ZC3H12D: variants seen among roughly 807,000 people sequenced by gnomAD.
The protein encoded by ZC3H12D is probable ribonuclease ZC3H12D.
ZC3H12D carries 11 observed loss-of-function variants against 24.2 expected under a neutral mutation model. The observed-to-expected ratio is 0.46, with a 90% confidence interval of 0.29 to 0.75. The LOEUF (loss-of-function observed/expected upper bound fraction) is 0.75. Among genes scored for constraint, ZC3H12D ranks in the 30% least tolerant of loss-of-function variants. The pLI, the probability that ZC3H12D is intolerant of heterozygous loss-of-function variation, is 0.11. For missense variants in ZC3H12D, 740 were observed against 767.7 expected, an observed-to-expected ratio of 0.96 and a Z score of 0.43; for synonymous variants, 333 against 341.8, an observed-to-expected ratio of 0.97 and a Z score of 0.28.
chr6:149,475,078 T>C (rs1776314870), intron 1 of ZC3H12D, among the ~76,000 whole-genome samples: 1 of 152,074 alleles, frequency 6.6e-6, no homozygotes, highest in Non-Finnish European at 1.5e-5. Context: ...AGAGGAAATT[T>C]GAACACATAA....
chr6:149,469,212 C>T (rs1168033952), intron 2 of ZC3H12D, among the ~76,000 whole-genome samples: 3 of 152,188 alleles, frequency 2.0e-5, no homozygotes, highest in East Asian at 3.8e-4. Context: ...AATCCCAGCA[C>T]TTTGGGAGGC....
At chr6:149,476,071 C>T (rs905391492) in intron 1 of ZC3H12D, among the ~76,000 whole-genome samples, 1 of 152,212 alleles carries the variant, frequency 6.6e-6, no homozygotes, top group African/African-American at 2.4e-5. Flanking sequence ...TTTTTCCGCA[C>T]CCCTCTAGTG....
At chr6:149,459,387 G>A (rs1776037320) in intron 3 of ZC3H12D, 1 of 559,118 alleles carries the variant, frequency 1.8e-6, no homozygotes, top group East Asian at 3.0e-5. Context: ...CTATAATCAT[G>A]TTAAAAGTAG....
chr6:149,463,692 T>C (rs1776111207), intron 2 of ZC3H12D, among the ~76,000 whole-genome samples: 1 of 152,104 alleles, frequency 6.6e-6, no homozygotes, highest in African/African-American at 2.4e-5. Flanking sequence ...TTGGGCGACA[T>C]AGCAAAAATT....
At chr6:149,460,118 A>G (rs115824719) in intron 3 of ZC3H12D, among the ~76,000 whole-genome samples, 1 of 152,332 alleles carries the variant, frequency 6.6e-6, no homozygotes, top group African/African-American at 2.4e-5. Context: ...AGCACGTACA[A>G]TTATGTACAG....
chr6:149,469,417 C>T (rs1236371626), intron 2 of ZC3H12D, among the ~76,000 whole-genome samples: 1 of 151,826 alleles, frequency 6.6e-6, no homozygotes, highest in Non-Finnish European at 1.5e-5. Flanking sequence ...GAGATGGCGC[C>T]ACTGCACTCC....
In ZC3H12D at chr6:149,474,303, C is replaced by G. The variant is rs1162931474; in HGVS notation, c.241G>C (p.Asp81His). 1 of 1,575,764 alleles carries G rather than the reference C, an allele frequency of 6.3e-7. No homozygotes were observed. The change falls in exon 2 of 6, where the codon GAC (aspartate) becomes CAC (histidine). Residue 81 changes from aspartate (D) to histidine (H), a missense_variant. Asp to His is a moderately conservative substitution (Grantham distance 81). Transcript: ENST00000409806. ...QRGPGTALEE[D>H]FRTLASSLRP... ...AGAGAACTGGCCAGGGTTCTGAAGT[C>G]CTCTTCCAGGGCTGTCCCCGGGCCA...
chr6:149,458,283 G>T (rs1776019792), intron 3 of ZC3H12D, among the ~76,000 whole-genome samples: 1 of 151,386 alleles, frequency 6.6e-6, no homozygotes, highest in African/African-American at 2.4e-5. Context: ...CTACAGGCAT[G>T]CACCACCACG....
At chr6:149,459,849 C>T (rs958461193) in intron 3 of ZC3H12D, among the ~76,000 whole-genome samples, 1 of 152,238 alleles carries the variant, frequency 6.6e-6, no homozygotes, top group Admixed American at 6.5e-5. Context: ...TGCCAGTCAA[C>T]ACAAATGGTC....
Position 149,451,228 on chromosome 6 carries a change from A to T in ZC3H12D, c.1039T>A (p.Ser347Thr), listed in dbSNP as rs1775888836. 15 of 1,302,358 alleles carry T rather than the reference A, an allele frequency of 1.2e-5. 1 individual carries two copies. The African/African-American group carries it at 1.2e-4, about 11-fold the overall frequency. The allele number at this position is 1,302,358 out of a possible 1,614,324, so 80.7% of individuals were successfully genotyped here. ...AGGTCGTCGCTGAAGGCCAGCCGAGAGAAGCTCCCTCGCAGGGCGGCCAGG... is the reference window on the plus strand; with the variant it reads ...AGGTCGTCGCTGAAGGCCAGCCGAGTGAAGCTCCCTCGCAGGGCGGCCAGG... ...PDLAALRGSFSRLAFSDDLGP... is the reference protein window; with the variant it reads ...PDLAALRGSFTRLAFSDDLGP... The change falls in exon 6 of 6, where the codon TCT becomes ACT. Residue 347 changes from serine (S) to threonine (T), a missense_variant. By Grantham distance (58) the Ser-to-Thr change is moderately conservative. Transcript: ENST00000409806.
Position 149,452,163 on chromosome 6 carries a change from GA to G in ZC3H12D, c.787+452del. Reference sequence around the variant, plus strand: ...AAATAACTTGACGAAGCAAGTCAGTGAAAGAGCTGGCTAGAAGGCTGGCATC... The same window carrying G: ...AAATAACTTGACGAAGCAAGTCAGTGAAGAGCTGGCTAGAAGGCTGGCATC... On this transcript the variant is annotated intron_variant, in intron 5 of 5. Coordinates refer to ENST00000409806, the MANE Select transcript of ZC3H12D (RefSeq NM_207360.3). This position sits in a 1 kb window ranked among gnomAD's most constrained non-coding sequence, Gnocchi z 4.0. 1 of 160,072 alleles carries G rather than the reference GA, an allele frequency of 6.2e-6. No homozygotes were observed. The highest frequency in any genetic ancestry group is 1.4e-5 in the Non-Finnish European group (1 of 73,626). The allele number at this position is 160,072 out of a possible 1,614,324, so 9.9% of individuals were successfully genotyped here. A position where few individuals can be genotyped will look rare whatever the true frequency, so the allele number is the denominator to read the frequency against.
intron 2 of ZC3H12D, among the ~76,000 whole-genome samples, chr6:149,464,977 A>G (rs938174384): frequency 2.0e-5 from 3 of 152,224 alleles, no homozygotes; most frequent in Non-Finnish European, 4.4e-5. Context: ...GACAAGGATG[A>G]CATTTTGAAT....
chr6:149,460,911 G>T (rs1260298960), intron 3 of ZC3H12D, among the ~76,000 whole-genome samples: 1 of 152,090 alleles, frequency 6.6e-6, no homozygotes, highest in East Asian at 1.9e-4. Flanking sequence ...AGCTAAGGTA[G>T]GAGGATCTCC....
At chr6:149,470,749 G>T (rs780609364) in intron 2 of ZC3H12D, among the ~76,000 whole-genome samples, 11 of 152,024 alleles carry the variant, frequency 7.2e-5, no homozygotes, top group Non-Finnish European at 1.3e-4. Context: ...ACAGCCACTT[G>T]CCACACCTGG....
intron 2 of ZC3H12D, among the ~76,000 whole-genome samples, chr6:149,463,695 C>A (rs1419491685): frequency 6.6e-6 from 1 of 152,156 alleles, no homozygotes; most frequent in Non-Finnish European, 1.5e-5. Flanking sequence ...GGCGACATAG[C>A]AAAAATTGAC....
In ZC3H12D at chr6:149,474,408, G is replaced by A. The variant is rs779864351; in HGVS notation, c.136C>T (p.Arg46Cys). 24 of 1,608,142 alleles carry A rather than the reference G, an allele frequency of 1.5e-5. No individual in the cohort carries two copies. In the African/African-American group the frequency reaches 1.7e-4, roughly 12 times the overall value. ...GCCGGGTGCTCCAGGGCACCCGGGC[G>A]GCTGCCCGTGCGGATAAGCTCCTGC... ...VLQELIRTGS[R>C]PGALEHPAAP... Residue 46 changes from arginine (R) to cysteine (C), a missense_variant, in exon 2 of 6, where the codon CGC becomes TGC. Physicochemically the swap from Arg to Cys is radical, Grantham distance 180. Coordinates refer to ENST00000409806, the MANE Select transcript of ZC3H12D (RefSeq NM_207360.3).
chr6:149,451,486 G>T lies in ZC3H12D; in HGVS notation c.788-7C>A. The T allele has an allele frequency of 6.4e-7, 1 of 1,560,770 alleles. No individual in the cohort carries two copies. The stretch of plus-strand genomic sequence containing the variant: ...CCATAGGTGCATTTCTTGCCTGAAA[G>T]GGGCGGGGGCAGAGAGGGCGCGACG... On this transcript the variant is annotated splice_polypyrimidine_tract_variant and splice_region_variant and intron_variant, in intron 5 of 5. Transcript: ENST00000409806.
At position 149,473,511 on chromosome 6, in the gene ZC3H12D, A is replaced by G. The variant is rs78529690; in HGVS notation, c.305+728T>C. ...CAGGGTGTTGGGGGAGGCTGCAGAG[A>G]TTCCGTCACAGGGGAGCTTAGCCAA... On this transcript the variant is annotated intron_variant, in intron 2 of 5. Transcript: ENST00000409806. 9.1e-4 allele frequency among the ~76,000 whole-genome samples: 138 copies of G among 152,280 alleles called. 1 individual carries two copies. The highest frequency in any genetic ancestry group is 3.4e-3 in the Middle Eastern group (1 of 294).
intron 3 of ZC3H12D, chr6:149,459,783 G>A (rs2115004749): frequency 1.4e-6 from 1 of 703,030 alleles, no homozygotes; most frequent in East Asian, 2.7e-5. Flanking sequence ...AATAAGTGGT[G>A]GGCAGAGGCG....
Sources: gnomAD v4.1 joint callset for allele counts (sites outside exome capture counted in the v4.1 genomes callset) on GRCh38, gnomAD v4.1.1 for gene constraint, Gnocchi (gnomAD v3.1) non-coding constraint, MANE v1.5 for transcripts, NCBI Gene and HGNC (gene_info 2026-07-23, HGNC 2026-07-21) for gene names.